Variants in KAT2B observed in about 807,000 individuals in gnomAD.
KAT2B encodes the protein histone acetyltransferase KAT2B.
A neutral mutation model predicts 105.9 loss-of-function variants in KAT2B; 36 were observed. The observed-to-expected ratio is 0.34, with a 90% CI of 0.26 to 0.45. The LOEUF (loss-of-function observed/expected upper bound fraction) is 0.45, where lower values mean the gene tolerates loss of function less well. Ranked by LOEUF, KAT2B falls within the 20% of genes least tolerant of loss-of-function variation. The pLI, the probability that KAT2B is intolerant of heterozygous loss-of-function variation, is 1.00. For synonymous variants in KAT2B, 397 were observed against 377.9 expected (o/e 1.05, Z -0.59); for missense variants, 820 against 1,021.6 (o/e 0.80, Z 2.69).
In KAT2B at chr3:20,122,652, A is replaced by G. The variant is rs1337087789; in HGVS notation, c.1277-16A>G. On this transcript the variant is annotated splice_polypyrimidine_tract_variant and intron_variant, in intron 8 of 17. Coordinates refer to ENST00000263754, the MANE Select transcript of KAT2B (RefSeq NM_003884.5). The stretch of plus-strand genomic sequence containing the variant: ...TAGAACCACCCATTGTTTGCCTTTT[A>G]TTTTGATCATCATAGGAGAAAAGAG... The G allele has an allele frequency of 1.9e-6, 3 of 1,607,690 alleles. No homozygotes were observed. Among genetic ancestry groups the G allele is most frequent in the Admixed American group, 3.4e-5 (2 of 59,182 alleles).
At chr3:20,046,564 AAAT>A (rs1474966338) in intron 1 of KAT2B, among the ~76,000 whole-genome samples, 2 of 152,068 alleles carry the variant, frequency 1.3e-5, no homozygotes, top group East Asian at 1.9e-4. Context: ...CCTTGTCTCA[AAAT>A]AATAATAATA....
At chr3:20,076,250 T>C (rs937650098) in intron 2 of KAT2B, among the ~76,000 whole-genome samples, 2 of 152,196 alleles carry the variant, frequency 1.3e-5, no homozygotes, top group Admixed American at 6.5e-5. Flanking sequence ...ATATATATGA[T>C]CAGGAAAAGG....
chr3:20,073,248 C>T (rs1303185206), intron 2 of KAT2B, among the ~76,000 whole-genome samples: 1 of 152,144 alleles, frequency 6.6e-6, no homozygotes, highest in Non-Finnish European at 1.5e-5. Flanking sequence ...CAGTCTCCCC[C>T]AAAATGTCAA....
intron 14 of KAT2B, 144 bp from the exon 15 acceptor site, chr3:20,147,819 C>A: frequency 2.9e-6 from 2 of 687,948 alleles, no homozygotes; most frequent in Non-Finnish European, 5.0e-6. Flanking sequence ...AAGGAAGTAA[C>A]TAATTGCCAT....
intron 17 of KAT2B, chr3:20,148,808 G>C (rs1251799975): frequency 8.6e-6 from 2 of 231,248 alleles, no homozygotes; most frequent in African/African-American, 4.5e-5. Context: ...TAACTCTTTG[G>C]TGCAAATAGA....
intron 2 of KAT2B, among the ~76,000 whole-genome samples, chr3:20,076,107 T>C (rs986450592): frequency 6.6e-6 from 1 of 151,878 alleles, no homozygotes; most frequent in Non-Finnish European, 1.5e-5. Flanking sequence ...TCAGGTATGA[T>C]CGAAAGGGGC....
chr3:20,059,324 G>T (rs1226484204), intron 1 of KAT2B, among the ~76,000 whole-genome samples: 2 of 145,906 alleles, frequency 1.4e-5, no homozygotes, highest in Non-Finnish European at 3.0e-5. Flanking sequence ...TGAGGCAGGA[G>T]AATCGCTTGA....
chr3:20,082,552 C>T (rs528297831), intron 2 of KAT2B, among the ~76,000 whole-genome samples: 1 of 152,262 alleles, frequency 6.6e-6, no homozygotes, highest in South Asian at 2.1e-4. Flanking sequence ...TGGAGTTCCT[C>T]AGCATTTTAT....
chr3:20,119,518 G>A, intron 7 of KAT2B, 80 bp from the exon 8 acceptor site: 10 of 1,467,916 alleles, frequency 6.8e-6, no homozygotes, highest in Non-Finnish European at 9.5e-6. Context: ...GGAGTGGGGT[G>A]GTCCCATGTG....
At chr3:20,125,430 T>C (rs1043176411) in intron 9 of KAT2B, among the ~76,000 whole-genome samples, 2 of 152,108 alleles carry the variant, frequency 1.3e-5, no homozygotes, top group South Asian at 2.1e-4. Flanking sequence ...AAGCCAGAGG[T>C]TGGCAAACTA....
chr3:20,090,979 T>TACCTC (rs1698708186), intron 2 of KAT2B, among the ~76,000 whole-genome samples: 1 of 152,182 alleles, frequency 6.6e-6, no homozygotes, highest in Non-Finnish European at 1.5e-5. Context: ...CTTGAACTCC[T>TACCTC]AGGCTTAAGC....
chr3:20,091,104 AT>A (rs1698710740), intron 2 of KAT2B, among the ~76,000 whole-genome samples: 1 of 152,136 alleles, frequency 6.6e-6, no homozygotes, highest in African/African-American at 2.4e-5. Context: ...GTTTGGTAGA[AT>A]TCAGCCTTGA....
At chr3:20,063,250 T>C (rs1480098993) in intron 1 of KAT2B, among the ~76,000 whole-genome samples, 2 of 151,928 alleles carry the variant, frequency 1.3e-5, no homozygotes, top group Non-Finnish European at 1.5e-5. Flanking sequence ...AAAATTTTTG[T>C]AGAGATGGAG....
chr3:20,040,507 CGGCTGCGGGGCAG>C lies in KAT2B; in HGVS notation c.32_44del (p.Gly11GlufsTer63). Reference sequence around the variant, plus strand: ...CCGAGGCTGGCGGGGCCGGGCCGGGCGGCTGCGGGGCAGGAGCCGGGGCAGGGGCCGGGCCCGG... The same window carrying C: ...CCGAGGCTGGCGGGGCCGGGCCGGGCGAGCCGGGGCAGGGGCCGGGCCCGG... On this transcript the variant is annotated frameshift_variant, in exon 1 of 18. Coordinates refer to ENST00000263754, the MANE Select transcript of KAT2B (RefSeq NM_003884.5). LOFTEE classifies it high-confidence loss of function. 9.7e-7 allele frequency: 1 copy of C among 1,026,588 alleles called. No homozygotes were observed. The highest frequency in any genetic ancestry group is 1.2e-6 in the Non-Finnish European group (1 of 857,334). 63.6% of individuals were successfully genotyped at this position (1,026,588 alleles called of 1,614,324 possible).
intron 13 of KAT2B, among the ~76,000 whole-genome samples, chr3:20,145,538 G>C (rs1279756100): frequency 7.2e-6 from 1 of 139,286 alleles, no homozygotes; most frequent in Non-Finnish European, 1.6e-5. Flanking sequence ...TTTAATTTCC[G>C]GATGGGATTT....
chr3:20,130,775 A>G (rs1699495176), intron 11 of KAT2B, among the ~76,000 whole-genome samples: 1 of 152,208 alleles, frequency 6.6e-6, no homozygotes, highest in South Asian at 2.1e-4. Flanking sequence ...CACTTCTTGT[A>G]AGTGACTTGA....
Position 20,126,060 on chromosome 3 carries a change from C to T in KAT2B, c.1569C>T (p.Ser523=), listed in dbSNP as rs1337828475. The stretch of plus-strand genomic sequence containing the variant: ...TGGTTGGCCTACAGAACGTTTTCTC[C>T]CACCAGCTGCCCCGAATGCCAAAAG... The part of the protein sequence containing the change: ...MWLVGLQNVF[S]HQLPRMPKEY... The change falls in exon 10 of 18, where the codon TCC becomes TCT. Residue 523 remains serine (S), a synonymous_variant. Transcript: ENST00000263754. 5 of 1,613,704 alleles carry T rather than the reference C, an allele frequency of 3.1e-6. No homozygotes were observed. The highest frequency in any genetic ancestry group is 2.2e-5 in the East Asian group (1 of 44,876).
intron 1 of KAT2B, among the ~76,000 whole-genome samples, chr3:20,047,606 C>CTTTTTTT (rs35457765): frequency 8.5e-6 from 1 of 117,874 alleles, no homozygotes; most frequent in Non-Finnish European, 1.7e-5. Context: ...CCGTGAGTAC[C>CTTTTTTT]TTTTTTTTTT....
At chr3:20,083,783 G>A (rs997992367) in intron 2 of KAT2B, among the ~76,000 whole-genome samples, 1 of 152,108 alleles carries the variant, frequency 6.6e-6, no homozygotes, top group African/African-American at 2.4e-5. Context: ...ATGTGTGGAA[G>A]GTAAAGGACA....
Sources: gnomAD v4.1 joint callset for allele counts (sites outside exome capture counted in the v4.1 genomes callset) on GRCh38, gnomAD v4.1.1 for gene constraint, MANE v1.5 for transcripts, NCBI Gene and HGNC (gene_info 2026-07-23, HGNC 2026-07-21) for gene names.